CASKIN2: variants seen among roughly 807,000 people sequenced by gnomAD.
CASKIN2 encodes the protein caskin-2.
In CASKIN2, 41 loss-of-function variants were observed where a neutral mutation model predicts 107.1. The ratio of observed to expected loss-of-function variants is 0.38; its 90% CI spans 0.30 to 0.50. CASKIN2 has a LOEUF of 0.50. Among genes scored for constraint, CASKIN2 ranks in the 20% least tolerant of loss-of-function variants. The pLI is 0.92. For synonymous variants in CASKIN2, 724 were observed against 705.6 expected (o/e 1.03, Z -0.41); for missense variants, 1,546 against 1,657.4 (o/e 0.93, Z 1.17).
In CASKIN2 at chr17:75,501,840, C is replaced by A. The variant is rs758998002; in HGVS notation, c.3234G>T (p.Arg1078=). Residue 1078 remains arginine (R), a synonymous_variant, in exon 18 of 20, where the codon CGG becomes CGT. Coordinates refer to ENST00000321617, the MANE Select transcript of CASKIN2 (RefSeq NM_020753.5). ...CCGGGGGTTCTGTCTCCCCATTCCA[C>A]CGACTAGCTGCTGAGCTTTCCAGAC... is the stretch of plus-strand genomic sequence containing the variant. ...GPGLESSAAS[R]WNGETEPPAA... 1.5e-5 allele frequency: 23 copies of A among 1,557,898 alleles called. No homozygotes were observed. The highest frequency in any genetic ancestry group is 2.0e-5 in the Non-Finnish European group (23 of 1,154,152).
rs916184364 is a variant in CASKIN2, at chr17:75,505,752, C to T, written c.835+69G>A. 104 of 1,567,476 alleles carry T rather than the reference C, an allele frequency of 6.6e-5. 1 individual carries two copies. The African/African-American group carries it at 1.3e-3, about 20-fold the overall frequency. ...ACCCTCCCCCAGGGACGTCCACTCCCCCTCCACATCCTGGTACCACTTGAG... is the reference window on the plus strand; with the variant it reads ...ACCCTCCCCCAGGGACGTCCACTCCTCCTCCACATCCTGGTACCACTTGAG... On this transcript the variant is annotated intron_variant, in intron 9 of 19. Transcript: ENST00000321617. The surrounding 1 kb of genome is among the most constrained non-coding windows in gnomAD (Gnocchi z 5.1).
rs750180198 is a variant in CASKIN2 at position 75,502,962 on chromosome 17, G to T, written c.2112C>A (p.Arg704=). ...CCTGTGAGTGGCCAGACCCCCGTGA[G>T]CGTGCCCCGATGCTCTCCTGGCTGG... is the stretch of plus-strand genomic sequence containing the variant. ...RSPSQESIGA[R]SRGSGHSQEQ... Residue 704 remains arginine (R), a synonymous_variant, in exon 18 of 20, where the codon CGC becomes CGA. Transcript: ENST00000321617. The surrounding 1 kb of genome is among the most constrained non-coding windows in gnomAD (Gnocchi z 4.3). The T allele has an allele frequency of 6.3e-7, 1 of 1,594,576 alleles. No individual in the cohort carries two copies. Among genetic ancestry groups the T allele is most frequent in the Non-Finnish European group, 8.5e-7 (1 of 1,169,912 alleles).
At position 75,501,535 on chromosome 17, in the gene CASKIN2, T is replaced by G. The variant is rs1222836821; in HGVS notation, c.3451A>C (p.Thr1151Pro). Residue 1151 changes from threonine to proline, a missense_variant, in exon 19 of 20, where the codon ACC becomes CCC. Thr to Pro is a conservative substitution (Grantham distance 38). Transcript: ENST00000321617. ...PGQAQQRLEQ[T>P]SSSLAAALRA... ...AGTGCAGCTGCCAGGGACGAGCTGG[T>G]CTGCTCCAGTCTCTGCTGGGCCTGG... 6.2e-7 allele frequency: 1 copy of G among 1,612,344 alleles called. No individual in the cohort carries two copies. Among genetic ancestry groups the G allele is most frequent in the African/African-American group, 1.3e-5 (1 of 74,916 alleles).
Position 75,504,934 on chromosome 17 carries a change from G to C in CASKIN2, c.1070C>G (p.Pro357Arg). 6.2e-7 allele frequency: 1 copy of C among 1,610,466 alleles called. No homozygotes were observed. The highest frequency in any genetic ancestry group is 8.5e-7 in the Non-Finnish European group (1 of 1,178,736). ...KRVGIPAARL[P>R]SAPTPLRPGF... ...TGGGCGCAGGGGGGTGGGTGCGGAG[G>C]GGAGGCGGGCTGCAGGGATGCCCAC... The change falls in exon 11 of 20, where the codon CCC becomes CGC. Residue 357 changes from proline to arginine, a missense_variant. Pro to Arg is a moderately radical substitution (Grantham distance 103). Transcript: ENST00000321617.
At position 75,507,893 on chromosome 17, in the gene CASKIN2, C is replaced by T. The variant is rs986455390; in HGVS notation, c.147-212G>A. ...GAGAGGCCCGTTTGTCTCGCCCCCCCGCCTCCCAGCTGGCCCAGGGGAGGG... is the reference window on the plus strand; with the variant it reads ...GAGAGGCCCGTTTGTCTCGCCCCCCTGCCTCCCAGCTGGCCCAGGGGAGGG... On this transcript the variant is annotated intron_variant, in intron 3 of 19. Transcript: ENST00000321617. 62 of 578,702 alleles carry T rather than the reference C, an allele frequency of 1.1e-4. No homozygotes were observed. The Middle Eastern group carries it at 1.4e-3, about 13-fold the overall frequency. 35.8% of individuals were successfully genotyped at this position (578,702 alleles called of 1,614,324 possible).
At chr17:75,513,575 A>G in intron 2 of CASKIN2, 136 bp downstream of exon 2, 1 of 740,158 alleles carries the variant, frequency 1.4e-6, no homozygotes, top group Non-Finnish European at 2.3e-6. Flanking sequence ...TCTCTCACAC[A>G]GAGGCACTTC....
chr17:75,514,964 T>C (rs2053344904), intron 1 of CASKIN2, among the ~76,000 whole-genome samples: 1 of 152,086 alleles, frequency 6.6e-6, no homozygotes, highest in Non-Finnish European at 1.5e-5. Context: ...AGTTTCTCGG[T>C]GGCAGCGAAT....
rs368355705 is a variant in CASKIN2 at position 75,506,788 on chromosome 17, G to C, written c.486+11C>G. On this transcript the variant is annotated intron_variant, in intron 6 of 19. Coordinates refer to ENST00000321617, the MANE Select transcript of CASKIN2 (RefSeq NM_020753.5). The surrounding 1 kb of genome is among the most constrained non-coding windows in gnomAD (Gnocchi z 4.8). The stretch of plus-strand genomic sequence containing the variant: ...GTCCAGGACCCAGCACCCCAAGGCT[G>C]CAGGCCTCACCTTGAGTCGGCCAAA... 1 of 1,613,818 alleles carries C rather than the reference G, an allele frequency of 6.2e-7. No homozygotes were observed. The highest frequency in any genetic ancestry group is 8.5e-7 in the Non-Finnish European group (1 of 1,179,968).
intron 2 of CASKIN2, chr17:75,509,667 C>T (rs959392330): frequency 1.7e-5 from 17 of 984,284 alleles, no homozygotes; most frequent in East Asian, 1.1e-4. Flanking sequence ...GCTCTAGAAG[C>T]GGAAGTGCAC....
At chr17:75,509,807 C>T in intron 2 of CASKIN2, 1 of 985,614 alleles carries the variant, frequency 1.0e-6, no homozygotes, top group Non-Finnish European at 1.2e-6. Context: ...TTCCATTAGC[C>T]CTCCTCTTCC....
At position 75,506,949 on chromosome 17, in the gene CASKIN2, CCCT is replaced by C; in HGVS notation, c.390+32_390+34del. On this transcript the variant is annotated intron_variant, in intron 5 of 19. Transcript: ENST00000321617. The surrounding 1 kb of genome is among the most constrained non-coding windows in gnomAD (Gnocchi z 4.8). ...CTGGCCTGTCCGGCACCCCACCCTGCCCTGCGCCACGCCCCTGTGGGCAGCCTC... is the reference window on the plus strand; with the variant it reads ...CTGGCCTGTCCGGCACCCCACCCTGCGCGCCACGCCCCTGTGGGCAGCCTC... The C allele has an allele frequency of 6.2e-7, 1 of 1,612,464 alleles. No individual in the cohort carries two copies. Among genetic ancestry groups the C allele is most frequent in the South Asian group, 1.1e-5 (1 of 90,978 alleles).
chr17:75,502,526 C>G lies in CASKIN2; in HGVS notation c.2548G>C (p.Ala850Pro). ...RTSPSVTPTP[A>P]RGTPRSQSFA... ...GACTGGCTGCGAGGAGTCCCCCGAG[C>G]TGGGGTTGGGGTCACACTAGGACTG... Residue 850 changes from alanine (A) to proline (P), a missense_variant, in exon 18 of 20, where the codon GCT (alanine) becomes CCT (proline). Ala to Pro is a conservative substitution (Grantham distance 27). Transcript: ENST00000321617. This position sits in a 1 kb window ranked among gnomAD's most constrained non-coding sequence, Gnocchi z 4.3. 6.7e-7 allele frequency: 1 copy of G among 1,489,988 alleles called. No homozygotes were observed. The allele number at this position is 1,489,988 out of a possible 1,614,324, so 92.3% of individuals were successfully genotyped here. A position where few individuals can be genotyped will look rare whatever the true frequency, so the allele number is the denominator to read the frequency against.
At position 75,502,302 on chromosome 17, in the gene CASKIN2, C is replaced by T. The variant is rs562309798; in HGVS notation, c.2772G>A (p.Gly924=). 9.1e-4 allele frequency: 1,366 copies of T among 1,496,624 alleles called. 4 individuals carry two copies. The highest frequency in any genetic ancestry group is 7.0e-3 in the East Asian group (302 of 42,912). The allele number at this position is 1,496,624 out of a possible 1,614,324, so 92.7% of individuals were successfully genotyped here. A position where few individuals can be genotyped will look rare whatever the true frequency, so the allele number is the denominator to read the frequency against. Residue 924 remains glycine (G), a synonymous_variant, in exon 18 of 20, where the codon GGG becomes GGA. Transcript: ENST00000321617. This position sits in a 1 kb window ranked among gnomAD's most constrained non-coding sequence, Gnocchi z 4.3. Reference sequence around the variant, plus strand: ...CCTCCTCCTCCGTGTCTGACGCGGGCCCAGCCGGGGCAGGTGGGCCAGGGG... The same window carrying T: ...CCTCCTCCTCCGTGTCTGACGCGGGTCCAGCCGGGGCAGGTGGGCCAGGGG... ...SEPPGPPAPA[G]PASDTEEEEP...
chr17:75,510,471 G>C (rs143650554), intron 2 of CASKIN2, among the ~76,000 whole-genome samples: 83 of 152,264 alleles, frequency 5.5e-4, no homozygotes, highest in Non-Finnish European at 9.9e-4. Context: ...AGAGTCCCCA[G>C]CCTCACTTCT....
chr17:75,507,484 T>C (rs1178812832), intron 4 of CASKIN2, 100 bp downstream of exon 4: 1 of 852,866 alleles, frequency 1.2e-6, no homozygotes, highest in African/African-American at 1.7e-5. Context: ...TAGCATCTAT[T>C]AGCATTGCTA....
At position 75,504,914 on chromosome 17, in the gene CASKIN2, G is replaced by A. The variant is rs759562823; in HGVS notation, c.1090C>T (p.Arg364Cys). The change falls in exon 11 of 20, where the codon CGC becomes TGC. Residue 364 changes from arginine to cysteine, a missense_variant. Physicochemically the swap from Arg to Cys is radical, Grantham distance 180. Transcript: ENST00000321617. Reference protein sequence around the residue: ...ARLPSAPTPLRPGFSRTPQPP... With the variant: ...ARLPSAPTPLCPGFSRTPQPP... ...TGCGGTGTCCGGGAGAAGCCTGGGC[G>A]CAGGGGGGTGGGTGCGGAGGGGAGG... 3 of 1,606,172 alleles carry A rather than the reference G, an allele frequency of 1.9e-6. No individual in the cohort carries two copies. Among genetic ancestry groups the A allele is most frequent in the South Asian group, 1.1e-5 (1 of 90,756 alleles).
In CASKIN2 at chr17:75,501,691, C is replaced by A; in HGVS notation, c.3296-1G>T. On this transcript the variant is annotated splice_acceptor_variant, in intron 18 of 19. Coordinates refer to ENST00000321617, the MANE Select transcript of CASKIN2 (RefSeq NM_020753.5). LOFTEE classifies it high-confidence loss of function. Reference sequence around the variant, plus strand: ...ACCGACACAGGCTTGGGGGCTGTTCCTGCAGAGACAAAAAGGTTGGCTTGG... The same window carrying A: ...ACCGACACAGGCTTGGGGGCTGTTCATGCAGAGACAAAAAGGTTGGCTTGG... The A allele has an allele frequency of 1.3e-6, 2 of 1,556,626 alleles. No individual in the cohort carries two copies. The highest frequency in any genetic ancestry group is 1.7e-6 in the Non-Finnish European group (2 of 1,151,324).
Position 75,502,337 on chromosome 17 carries a change from G to T in CASKIN2, c.2737C>A (p.Pro913Thr). The change falls in exon 18 of 20, where the codon CCC becomes ACC. Residue 913 changes from proline (P) to threonine (T), a missense_variant. By Grantham distance (38) the Pro-to-Thr change is conservative (BLOSUM62 -1). This residue lies in a region of CASKIN2 where 1,311 missense variants were observed against 1,311.0 expected (regional missense o/e 1.00). Coordinates refer to ENST00000321617, the MANE Select transcript of CASKIN2 (RefSeq NM_020753.5). This position sits in a 1 kb window ranked among gnomAD's most constrained non-coding sequence, Gnocchi z 4.3. ...RRRTLSEPAGPSEPPGPPAPA... is the reference protein window; with the variant it reads ...RRRTLSEPAGTSEPPGPPAPA... ...GCAGGTGGGCCAGGGGGCTCTGAGG[G>T]GCCAGCAGGTTCACTCAGTGTTCGC... The T allele has an allele frequency of 4.7e-6, 7 of 1,480,460 alleles. No individual in the cohort carries two copies. In the South Asian group the frequency reaches 9.8e-5, roughly 21 times the overall value. The allele number at this position is 1,480,460 out of a possible 1,614,324, so 91.7% of individuals were successfully genotyped here. A position where few individuals can be genotyped will look rare whatever the true frequency, so the allele number is the denominator to read the frequency against.
intron 2 of CASKIN2, 81 bp from the exon 3 acceptor site, chr17:75,508,366 G>T: frequency 6.7e-7 from 1 of 1,486,876 alleles, no homozygotes. Context: ...GTCACAGCCC[G>T]GCTGACCTCT....
Sources: allele counts gnomAD v4.1 joint callset (sites outside exome capture counted in the v4.1 genomes callset), GRCh38; gene constraint gnomAD v4.1.1; regional missense constraint gnomAD v4.1.1; non-coding constraint Gnocchi (gnomAD v3.1); transcripts MANE v1.5; gene names NCBI Gene and HGNC (gene_info 2026-07-23, HGNC 2026-07-21).